Variants in USP34 observed in about 807,000 individuals in gnomAD.
The protein encoded by USP34 is ubiquitin carboxyl-terminal hydrolase 34.
Under a neutral mutation model 460.3 loss-of-function variants are expected in USP34, and 70 were observed. That is an observed-to-expected ratio of 0.15 (90% CI 0.13 to 0.19). The LOEUF (loss-of-function observed/expected upper bound fraction) is 0.19. Among genes scored for constraint, USP34 ranks in the 10% least tolerant of loss-of-function variants. The probability of loss-of-function intolerance (pLI) is 1.00; values close to 1 mark genes in which losing one functional copy is unlikely to be tolerated. For synonymous variants in USP34, 1,647 were observed against 1,405.3 expected, an observed-to-expected ratio of 1.17 and a Z score of -3.85; for missense variants, 3,985 against 4,236.2, an observed-to-expected ratio of 0.94 and a Z score of 1.65.
At chr2:61,271,218 C>T (rs1001697789) in intron 41 of USP34, among the ~76,000 whole-genome samples, 11 of 152,260 alleles carry the variant, frequency 7.2e-5, no homozygotes, top group African/African-American at 2.2e-4. Flanking sequence ...GCAGGGGAAT[C>T]GCTGGAACCT....
intron 20 of USP34, 47 bp downstream of exon 20, chr2:61,331,229 G>A (rs1386066715): frequency 5.4e-6 from 8 of 1,470,978 alleles, no homozygotes; most frequent in Non-Finnish European, 6.5e-6. Flanking sequence ...TCTTTCAAAG[G>A]AAAGACATCG....
At chr2:61,205,064 C>G (rs1044445927) in intron 72 of USP34, among the ~76,000 whole-genome samples, 1 of 152,152 alleles carries the variant, frequency 6.6e-6, no homozygotes, top group Admixed American at 6.5e-5. Context: ...TGCTATGTTG[C>G]CCAGGCTGCT....
At chr2:61,322,825 T>C (rs1690967328) in intron 21 of USP34, among the ~76,000 whole-genome samples, 1 of 152,154 alleles carries the variant, frequency 6.6e-6, no homozygotes, top group African/African-American at 2.4e-5. Context: ...TTAGTATATA[T>C]CAGAACTTAA....
intron 3 of USP34, among the ~76,000 whole-genome samples, chr2:61,398,035 C>T (rs1693590358): frequency 6.6e-6 from 1 of 151,984 alleles, no homozygotes; most frequent in Non-Finnish European, 1.5e-5. Flanking sequence ...TGTACCAATG[C>T]ACTCTAGCTT....
chr2:61,252,673 C>T (rs528931168), intron 48 of USP34, among the ~76,000 whole-genome samples: 11 of 152,274 alleles, frequency 7.2e-5, no homozygotes, highest in African/African-American at 2.4e-4. Flanking sequence ...CAAAAATTCA[C>T]TATTTTAGAT....
intron 18 of USP34, among the ~76,000 whole-genome samples, chr2:61,337,194 C>A (rs1465086749): frequency 6.6e-6 from 1 of 152,106 alleles, no homozygotes; most frequent in Non-Finnish European, 1.5e-5. Context: ...GTAGCTATTA[C>A]CCAGTCTACT....
At chr2:61,420,208 GA>G (rs1168714422) in intron 2 of USP34, among the ~76,000 whole-genome samples, 1 of 152,018 alleles carries the variant, frequency 6.6e-6, no homozygotes, top group Non-Finnish European at 1.5e-5. Context: ...TTATTCAAGG[GA>G]AAAAAATTAT....
chr2:61,197,444 C>T (rs1164347160), intron 75 of USP34, among the ~76,000 whole-genome samples: 1 of 152,130 alleles, frequency 6.6e-6, no homozygotes, highest in Non-Finnish European at 1.5e-5. Context: ...ATTCCAAAGT[C>T]AGTATTGATA....
chr2:61,251,966 TA>T lies in USP34; in HGVS notation c.6222-3284del, dbSNP rs1236477329. 3.3e-3 allele frequency among the ~76,000 whole-genome samples: 473 copies of T among 144,486 alleles called. 2 individuals carry two copies. The highest frequency in any genetic ancestry group is 8.1e-3 in the African/African-American group (319 of 39,550). 94.8% of individuals were successfully genotyped at this position (144,486 alleles called of 152,430 possible). On this transcript the variant is annotated intron_variant, in intron 48 of 79. Transcript: ENST00000398571. The stretch of plus-strand genomic sequence containing the variant: ...TGTTAAATAAACATTTTAATTTGTT[TA>T]AAAAAAAAAAACAGCAAACACACCC...
chr2:61,412,608 GC>G (rs1694073169), intron 2 of USP34, among the ~76,000 whole-genome samples: 2 of 152,034 alleles, frequency 1.3e-5, no homozygotes, highest in African/African-American at 4.8e-5. Flanking sequence ...GAGAGAAAAG[GC>G]CTGGTGCAGT....
rs534899769 is a variant in USP34 at position 61,201,497 on chromosome 2, G to A, written c.9508+1643C>T. Among the ~76,000 whole-genome samples the A allele has an allele frequency of 3.3e-5, 5 of 152,272 alleles. No homozygotes were observed. In the South Asian group the frequency reaches 1.0e-3, roughly 32 times the overall value. ...CAAAGTGCTGGGATTACAAGCGTGA[G>A]CCACCACGTCCGGCCCTTATAGAAA... On this transcript the variant is annotated intron_variant, in intron 75 of 79. Coordinates refer to ENST00000398571, the MANE Select transcript of USP34 (RefSeq NM_014709.4).
At chr2:61,283,883 T>C (rs981080183) in intron 35 of USP34, among the ~76,000 whole-genome samples, 4 of 151,510 alleles carry the variant, frequency 2.6e-5, no homozygotes, top group African/African-American at 7.3e-5. Context: ...GTCAAACTCA[T>C]TGAAGAAGAG....
chr2:61,414,512 TACA>T (rs1694139528), intron 2 of USP34, among the ~76,000 whole-genome samples: 1 of 152,250 alleles, frequency 6.6e-6, no homozygotes, highest in African/African-American at 2.4e-5. Context: ...AGATGTCCTC[TACA>T]ACAAGGAAGT....
chr2:61,219,603 A>AG (rs915111786), intron 67 of USP34, among the ~76,000 whole-genome samples: 4 of 151,690 alleles, frequency 2.6e-5, no homozygotes, highest in African/African-American at 9.7e-5. Flanking sequence ...TTCAACAGGC[A>AG]GAGGTTGCAG....
At chr2:61,223,843 C>G (rs998452324) in intron 62 of USP34, among the ~76,000 whole-genome samples, 4 of 152,062 alleles carry the variant, frequency 2.6e-5, no homozygotes, top group African/African-American at 4.8e-5. Flanking sequence ...TCTTTTATAA[C>G]TTATAAAAAT....
chr2:61,409,606 C>G (rs1278606195), intron 2 of USP34, among the ~76,000 whole-genome samples: 1 of 151,996 alleles, frequency 6.6e-6, no homozygotes, highest in Non-Finnish European at 1.5e-5. Flanking sequence ...TCCAGCTACT[C>G]AGGAGGCAGA....
At chr2:61,458,100 A>G in intron 1 of USP34, among the ~76,000 whole-genome samples, 1 of 152,208 alleles carries the variant, frequency 6.6e-6, no homozygotes, top group Non-Finnish European at 1.5e-5. Context: ...GCAATCATAG[A>G]ACTGATAGTC....
chr2:61,293,926 G>C (rs1366935017), intron 32 of USP34, among the ~76,000 whole-genome samples: 4 of 151,498 alleles, frequency 2.6e-5, no homozygotes, highest in African/African-American at 4.9e-5. Flanking sequence ...GAGGCAGGAG[G>C]ATCACTCGAA....
Position 61,256,579 on chromosome 2 carries a change from AATTT to A in USP34, c.6127-105_6127-102del, listed in dbSNP as rs1558494282. The A allele has an allele frequency of 9.1e-5, 84 of 927,812 alleles. No individual in the cohort carries two copies. The South Asian group carries it at 1.8e-3, about 20-fold the overall frequency. 57.5% of individuals were successfully genotyped at this position (927,812 alleles called of 1,614,324 possible). ...ATTTTGACAGAATGCTCAGCAAAAA[AATTT>A]TTTTTTTAAAAGTGAATTCTTAAAT... is the stretch of plus-strand genomic sequence containing the variant. On this transcript the variant is annotated intron_variant, in intron 47 of 79. Transcript: ENST00000398571.
Sources: gnomAD v4.1 joint callset for allele counts (sites outside exome capture counted in the v4.1 genomes callset) on GRCh38, gnomAD v4.1.1 for gene constraint, MANE v1.5 for transcripts, NCBI Gene and HGNC (gene_info 2026-07-23, HGNC 2026-07-21) for gene names.